Variants in PAK1 observed in about 807,000 individuals in gnomAD.
PAK1 encodes the protein p21 (RAC1) activated kinase 1, also known as serine/threonine-protein kinase PAK 1.
PAK1 carries 29 observed loss-of-function variants against 67.4 expected under a neutral mutation model. The observed-to-expected ratio is 0.43, with a 90% CI of 0.32 to 0.59. The LOEUF (loss-of-function observed/expected upper bound fraction) is 0.59, where lower values mean the gene tolerates loss of function less well. PAK1 is among the 20% of genes least tolerant of loss of function. The probability of loss-of-function intolerance (pLI) is 0.07; values close to 1 mark genes in which losing one functional copy is unlikely to be tolerated. For missense variants in PAK1, 337 were observed against 670.7 expected (o/e 0.50, Z 5.50); for synonymous variants, 223 against 237.4 (o/e 0.94, Z 0.56).
the PAK1 span, among the ~76,000 whole-genome samples, chr11:77,481,867 A>G: frequency 2.0e-5 from 3 of 152,134 alleles, no homozygotes; most frequent in Admixed American, 6.5e-5. Context: ...TTTACTCGCT[A>G]CTATATCTCT....
At chr11:77,515,730 C>CT in the PAK1 span, among the ~76,000 whole-genome samples, 1 of 152,148 alleles carries the variant, frequency 6.6e-6, no homozygotes, top group Admixed American at 6.5e-5. Flanking sequence ...AAATAACATC[C>CT]TTTTTTTACT....
intron 5 of PAK1, among the ~76,000 whole-genome samples, chr11:77,363,482 G>GT (rs1192137717): frequency 6.6e-6 from 1 of 152,142 alleles, no homozygotes; most frequent in African/African-American, 2.4e-5. Flanking sequence ...AAAATAAACC[G>GT]TATCAGGATT....
chr11:77,357,595 T>C (rs1443799680), intron 6 of PAK1, among the ~76,000 whole-genome samples: 1 of 152,180 alleles, frequency 6.6e-6, no homozygotes. Context: ...CACTGTGCTA[T>C]GGTGGAAAAC....
At chr11:77,413,256 G>T (rs770862993) in intron 1 of PAK1, among the ~76,000 whole-genome samples, 2 of 152,218 alleles carry the variant, frequency 1.3e-5, no homozygotes, top group Non-Finnish European at 2.9e-5. Flanking sequence ...GAGAAAGGGG[G>T]TAGGAGTGGA....
rs979463424 is a variant in PAK1, at chr11:77,322,445, G to C, written c.*829C>G. 1.5e-4 allele frequency: 30 copies of C among 195,550 alleles called. No homozygotes were observed. The highest frequency in any genetic ancestry group is 5.5e-4 in the Admixed American group (9 of 16,502). The allele number at this position is 195,550 out of a possible 1,614,324, so 12.1% of individuals were successfully genotyped here. A position where few individuals can be genotyped will look rare whatever the true frequency, so the allele number is the denominator to read the frequency against. On this transcript the variant is annotated 3_prime_UTR_variant, in exon 15 of 15. Coordinates refer to ENST00000356341, the MANE Select transcript of PAK1 (RefSeq NM_002576.5). Reference sequence around the variant, plus strand: ...GTTCCTGAAACATCACACAAGTAGAGCTGGACAGGTGCTGATGCCCAGCCT... The same window carrying C: ...GTTCCTGAAACATCACACAAGTAGACCTGGACAGGTGCTGATGCCCAGCCT...
At chr11:77,397,905 A>C (rs932188429) in intron 1 of PAK1, among the ~76,000 whole-genome samples, 2 of 152,270 alleles carry the variant, frequency 1.3e-5, no homozygotes, top group African/African-American at 4.8e-5. Flanking sequence ...GAGTAGGGAT[A>C]GAACCCTCTT....
chr11:77,380,069 G>T, intron 2 of PAK1, 75 bp from the exon 3 acceptor site: 1 of 1,102,782 alleles, frequency 9.1e-7, no homozygotes. Context: ...GCTCTTTATT[G>T]AGCTGTAGTC....
chr11:77,529,243 C>T, the PAK1 span, among the ~76,000 whole-genome samples: 6 of 152,196 alleles, frequency 3.9e-5, no homozygotes, highest in African/African-American at 1.4e-4. Context: ...CAGCATTCTG[C>T]CACCTCATAA....
intron 4 of PAK1, 69 bp from the exon 5 acceptor site, chr11:77,374,434 G>T: frequency 1.0e-6 from 1 of 989,106 alleles, no homozygotes; most frequent in Non-Finnish European, 1.6e-6. Flanking sequence ...GACAGCAAAA[G>T]AAGTCTATCT....
chr11:77,406,146 C>T lies in PAK1; in HGVS notation c.-21-13605G>A, dbSNP rs182089122. Among the ~76,000 whole-genome samples the T allele has an allele frequency of 2.2e-3, 328 of 152,262 alleles. 3 individuals are homozygous for T. Among genetic ancestry groups the T allele is most frequent in the African/African-American group, 7.7e-3 (320 of 41,532 alleles). On this transcript the variant is annotated intron_variant, in intron 1 of 14. Transcript: ENST00000356341. The stretch of plus-strand genomic sequence containing the variant: ...GAACCTTCCTTACTGATACACTACA[C>T]TTTTCCCAAGATTATTTCCTCCATT...
In PAK1 at chr11:77,405,614, C is replaced by G. The variant is rs112127316; in HGVS notation, c.-21-13073G>C. Reference sequence around the variant, plus strand: ...AATTTCTGGACTGATCTGAGAAATACTGGGTGAATGTAAACAAGTTTTGGC... The same window carrying G: ...AATTTCTGGACTGATCTGAGAAATAGTGGGTGAATGTAAACAAGTTTTGGC... On this transcript the variant is annotated intron_variant, in intron 1 of 14. Transcript: ENST00000356341. Among the ~76,000 whole-genome samples, 1,280 of 150,852 alleles carry G rather than the reference C, an allele frequency of 8.5e-3. 26 individuals carry two copies. Among genetic ancestry groups the G allele is most frequent in the African/African-American group, 0.03 (1,219 of 40,950 alleles).
At chr11:77,428,793 C>T (rs1211140368) in intron 1 of PAK1, among the ~76,000 whole-genome samples, 1 of 151,584 alleles carries the variant, frequency 6.6e-6, no homozygotes, top group African/African-American at 2.4e-5. Flanking sequence ...GCATCCGTAT[C>T]AGGAGAGAGG....
chr11:77,384,851 C>G (rs1265033593), intron 2 of PAK1, among the ~76,000 whole-genome samples: 1 of 151,910 alleles, frequency 6.6e-6, no homozygotes, highest in African/African-American at 2.4e-5. Context: ...ATACTAAAAA[C>G]CACGGAATTG....
intron 1 of PAK1, among the ~76,000 whole-genome samples, chr11:77,429,093 A>ACC (rs1565696599): frequency 1.9e-5 from 2 of 106,376 alleles, no homozygotes; most frequent in African/African-American, 5.4e-5. Flanking sequence ...AAAAAAAAAA[A>ACC]ACACACACAC....
At chr11:77,529,019 T>C in the PAK1 span, among the ~76,000 whole-genome samples, 1 of 152,218 alleles carries the variant, frequency 6.6e-6, no homozygotes, top group Non-Finnish European at 1.5e-5. Context: ...AAGTTTCTTA[T>C]CAACCATTCA....
the PAK1 span, among the ~76,000 whole-genome samples, chr11:77,511,634 C>T: frequency 6.6e-6 from 1 of 152,146 alleles, no homozygotes; most frequent in East Asian, 1.9e-4. Context: ...CATTTTTTAA[C>T]TTTTAAAAAC....
chr11:77,426,603 C>T (rs1422830954), intron 1 of PAK1, among the ~76,000 whole-genome samples: 1 of 152,104 alleles, frequency 6.6e-6, no homozygotes, highest in Non-Finnish European at 1.5e-5. Flanking sequence ...GCTTTCCTTC[C>T]TCTTCAGTTT....
At chr11:77,367,237 G>C (rs768054181) in intron 5 of PAK1, among the ~76,000 whole-genome samples, 2 of 152,150 alleles carry the variant, frequency 1.3e-5, no homozygotes, top group Non-Finnish European at 2.9e-5. Context: ...TCAGGTGATG[G>C]CGGCACAACT....
intron 1 of PAK1, among the ~76,000 whole-genome samples, chr11:77,426,700 T>C (rs1329492767): frequency 6.6e-6 from 1 of 152,066 alleles, no homozygotes; most frequent in Non-Finnish European, 1.5e-5. Context: ...TAAGAGTTAG[T>C]CTTGTAGGTA....
Sources: gnomAD v4.1 joint callset for allele counts (sites outside exome capture counted in the v4.1 genomes callset) on GRCh38, gnomAD v4.1.1 for gene constraint, MANE v1.5 for transcripts, NCBI Gene and HGNC (gene_info 2026-07-23, HGNC 2026-07-21) for gene names.